GABRG3: variants seen among roughly 807,000 people sequenced by gnomAD.
The protein encoded by GABRG3 is gamma-aminobutyric acid receptor subunit gamma-3.
Under a neutral mutation model 48.8 loss-of-function variants are expected in GABRG3, and 25 were observed. That is an observed-to-expected ratio of 0.51 (90% confidence interval 0.37 to 0.72). GABRG3 has a LOEUF of 0.72. Among genes scored for constraint, GABRG3 ranks in the 30% least tolerant of loss-of-function variants. GABRG3 has a pLI of 0.00. For missense variants in GABRG3, 394 were observed against 577.9 expected (o/e 0.68, Z 3.26); for synonymous variants, 227 against 217.6 (o/e 1.04, Z -0.38).
At chr15:27,134,748 C>T (rs974873456) in intron 3 of GABRG3, among the ~76,000 whole-genome samples, 2 of 152,166 alleles carry the variant, frequency 1.3e-5, no homozygotes, top group Non-Finnish European at 2.9e-5. Context: ...TCTTGCCCTC[C>T]ACAGAGGTAC....
At chr15:27,114,446 G>T (rs1052003508) in intron 3 of GABRG3, among the ~76,000 whole-genome samples, 1 of 152,148 alleles carries the variant, frequency 6.6e-6, no homozygotes, top group African/African-American at 2.4e-5. Context: ...TTCTCCCATG[G>T]TTGGAGATTC....
At chr15:27,392,844 T>G (rs1382553075) in intron 5 of GABRG3, among the ~76,000 whole-genome samples, 1 of 152,240 alleles carries the variant, frequency 6.6e-6, no homozygotes, top group Non-Finnish European at 1.5e-5. Flanking sequence ...TTACTCAAAT[T>G]GCTCCAGCGT....
chr15:26,987,458 C>T (rs767845237), intron 2 of GABRG3, among the ~76,000 whole-genome samples: 1 of 152,210 alleles, frequency 6.6e-6, no homozygotes, highest in East Asian at 1.9e-4. Context: ...TATTACTGTG[C>T]CTATACTGAT....
At chr15:27,171,306 T>C (rs775179553) in intron 3 of GABRG3, among the ~76,000 whole-genome samples, 5 of 152,216 alleles carry the variant, frequency 3.3e-5, no homozygotes, top group Admixed American at 6.5e-5. Flanking sequence ...TCCTTTCACT[T>C]TATTTCACCT....
At chr15:27,474,670 A>G (rs889959336) in intron 5 of GABRG3, among the ~76,000 whole-genome samples, 4 of 152,200 alleles carry the variant, frequency 2.6e-5, no homozygotes, top group African/African-American at 9.6e-5. Flanking sequence ...GCAAAGAACA[A>G]AAGTGTTTCT....
At chr15:27,464,359 A>G (rs1889539770) in intron 5 of GABRG3, among the ~76,000 whole-genome samples, 4 of 152,176 alleles carry the variant, frequency 2.6e-5, no homozygotes. Flanking sequence ...TGAATTATAC[A>G]TTATGTGGTT....
intron 5 of GABRG3, among the ~76,000 whole-genome samples, chr15:27,421,165 T>A (rs1339954642): frequency 6.6e-6 from 1 of 152,204 alleles, no homozygotes; most frequent in Non-Finnish European, 1.5e-5. Flanking sequence ...GAGCTGATAG[T>A]TAAGGCCAAG....
chr15:27,383,628 CG>C (rs1566815540), intron 5 of GABRG3, among the ~76,000 whole-genome samples: 1 of 151,928 alleles, frequency 6.6e-6, no homozygotes, highest in Admixed American at 6.6e-5. Flanking sequence ...TCAAGCCAAC[CG>C]GAACATGGGT....
At chr15:27,308,712 A>C (rs977875041) in intron 3 of GABRG3, among the ~76,000 whole-genome samples, 1 of 149,670 alleles carries the variant, frequency 6.7e-6, no homozygotes, top group African/African-American at 2.4e-5. Context: ...ACATACGTTT[A>C]TATGTAAACA....
intron 2 of GABRG3, among the ~76,000 whole-genome samples, chr15:26,984,780 T>C (rs537961486): frequency 6.6e-6 from 1 of 152,296 alleles, no homozygotes; most frequent in East Asian, 1.9e-4. Context: ...AAGCAGATGA[T>C]TAGAGAATAC....
intron 3 of GABRG3, among the ~76,000 whole-genome samples, chr15:27,186,806 C>T (rs1424010239): frequency 6.6e-6 from 1 of 152,060 alleles, no homozygotes; most frequent in South Asian, 2.1e-4. Context: ...ACAAAGTGTT[C>T]TTAATCTTTG....
chr15:27,380,375 C>T (rs544814054), intron 5 of GABRG3, among the ~76,000 whole-genome samples: 2 of 150,556 alleles, frequency 1.3e-5, no homozygotes, highest in East Asian at 3.9e-4. Flanking sequence ...TCTGCTTTAT[C>T]TGAGTCTGGT....
chr15:27,167,039 T>TACTATC (rs1887397232), intron 3 of GABRG3, among the ~76,000 whole-genome samples: 1 of 152,146 alleles, frequency 6.6e-6, no homozygotes, highest in Non-Finnish European at 1.5e-5. Context: ...AATACTTCTT[T>TACTATC]AGCTATCAGC....
chr15:27,326,275 T>G (rs1486571405), intron 3 of GABRG3, among the ~76,000 whole-genome samples: 1 of 152,256 alleles, frequency 6.6e-6, no homozygotes, highest in Non-Finnish European at 1.5e-5. Flanking sequence ...TTCTTTTTGT[T>G]TTGCTTTTTG....
intron 7 of GABRG3, among the ~76,000 whole-genome samples, chr15:27,523,995 CT>C (rs1261181200): frequency 6.6e-6 from 1 of 151,940 alleles, no homozygotes. Context: ...ATAAAAAATA[CT>C]CAAATTTGCC....
chr15:27,168,242 T>TTC, intron 3 of GABRG3, among the ~76,000 whole-genome samples: 1 of 152,264 alleles, frequency 6.6e-6, no homozygotes, highest in Admixed American at 6.5e-5. Flanking sequence ...GCTCATGCAG[T>TTC]GTGAGCATTT....
rs150857721 is a variant in GABRG3 at position 27,491,570 on chromosome 15, G to A, written c.712+10783G>A. Among the ~76,000 whole-genome samples, 440 of 152,172 alleles carry A rather than the reference G, an allele frequency of 2.9e-3. 1 individual carries two copies. Among genetic ancestry groups the A allele is most frequent in the African/African-American group, 9.8e-3 (407 of 41,516 alleles). The stretch of plus-strand genomic sequence containing the variant: ...ATTACTTCCTTTAAGCTATCCATCC[G>A]TTAATCTTTGGATTTCAAACATCTG... On this transcript the variant is annotated intron_variant, in intron 6 of 9. Transcript: ENST00000615808.
chr15:27,191,301 T>A (rs908407639), intron 3 of GABRG3, among the ~76,000 whole-genome samples: 2 of 152,172 alleles, frequency 1.3e-5, no homozygotes, highest in African/African-American at 4.8e-5. Flanking sequence ...GTCTCATTGA[T>A]CTGTCTAATG....
chr15:27,200,737 T>C (rs1215069838), intron 3 of GABRG3, among the ~76,000 whole-genome samples: 1 of 152,100 alleles, frequency 6.6e-6, no homozygotes, highest in East Asian at 1.9e-4. Context: ...CAATGATGGG[T>C]ATGGTGATGT....
Sources: allele counts gnomAD v4.1 joint callset (sites outside exome capture counted in the v4.1 genomes callset), GRCh38; gene constraint gnomAD v4.1.1; transcripts MANE v1.5; gene names NCBI Gene and HGNC (gene_info 2026-07-23, HGNC 2026-07-21).